PLAAT2: variants seen among roughly 807,000 people sequenced by gnomAD.
PLAAT2 encodes phospholipase A and acyltransferase 2, also known as HRAS like suppressor 2.
Under a neutral mutation model 12.8 loss-of-function variants are expected in PLAAT2, and 12 were observed. The ratio of observed to expected loss-of-function variants is 0.94; its 90% CI spans 0.60 to 1.52. The LOEUF (loss-of-function observed/expected upper bound fraction) is 1.52. Ranked by LOEUF, PLAAT2 falls within the 40% of genes most tolerant of loss-of-function variation. The probability of loss-of-function intolerance (pLI) is 0.00; values close to 1 mark genes in which losing one functional copy is unlikely to be tolerated. For synonymous variants in PLAAT2, 79 were observed against 86.8 expected (o/e 0.91, Z 0.50); for missense variants, 166 against 208.1 (o/e 0.80, Z 1.24).
chr11:63,560,609 C>T (rs561137075), intron 1 of PLAAT2, among the ~76,000 whole-genome samples: 24 of 152,228 alleles, frequency 1.6e-4, no homozygotes, highest in Non-Finnish European at 2.6e-4. Flanking sequence ...GTGATTCCTA[C>T]AAGTTCTAGA....
chr11:63,554,648 AAAAGAACTCACGC>A lies in PLAAT2; in HGVS notation c.388-1596_388-1584del, dbSNP rs796717849. Among the ~76,000 whole-genome samples, 1,302 of 151,374 alleles carry A rather than the reference AAAAGAACTCACGC, an allele frequency of 8.6e-3. 16 individuals carry two copies. Among genetic ancestry groups the A allele is most frequent in the African/African-American group, 0.031 (1,257 of 41,194 alleles). On this transcript the variant is annotated intron_variant, in intron 3 of 3. Coordinates refer to ENST00000255695, the MANE Select transcript of PLAAT2 (RefSeq NM_017878.2). ...GTCTCAAAAAAAAAAGAAAAAAAAA[AAAAGAACTCACGC>A]AAAGCCACACAGCTGACAAGTGACA...
chr11:63,560,296 G>A, intron 1 of PLAAT2, 103 bp from the exon 2 acceptor site: 1 of 740,874 alleles, frequency 1.3e-6, no homozygotes, highest in Non-Finnish European at 2.3e-6. Context: ...GATTCCCTGT[G>A]CTCATCACCT....
intron 3 of PLAAT2, among the ~76,000 whole-genome samples, chr11:63,553,668 T>C (rs968521754): frequency 1.3e-5 from 2 of 151,916 alleles, no homozygotes; most frequent in Non-Finnish European, 1.5e-5. Context: ...ACAATAATAA[T>C]TAAAGCAAAA....
At chr11:63,561,868 A>G (rs2017522588) in intron 1 of PLAAT2, among the ~76,000 whole-genome samples, 1 of 151,572 alleles carries the variant, frequency 6.6e-6, no homozygotes, top group Non-Finnish European at 1.5e-5. Flanking sequence ...TTGAGCATCA[A>G]AAAAAAATAA....
chr11:63,558,713 G>A (rs2017491814), intron 2 of PLAAT2, 53 bp from the exon 3 acceptor site: 1 of 1,595,696 alleles, frequency 6.3e-7, no homozygotes, highest in South Asian at 1.1e-5. Context: ...CTCAGAGCTG[G>A]AAGCCAAGCA....
chr11:63,556,732 T>C (rs2017469753), intron 3 of PLAAT2, among the ~76,000 whole-genome samples: 2 of 152,186 alleles, frequency 1.3e-5, no homozygotes, highest in Non-Finnish European at 2.9e-5. Context: ...ACAGAACAGC[T>C]AAATCCTCCC....
intron 3 of PLAAT2, among the ~76,000 whole-genome samples, chr11:63,556,939 T>C (rs1046937681): frequency 6.6e-6 from 1 of 152,222 alleles, no homozygotes; most frequent in Non-Finnish European, 1.5e-5. Context: ...AAACTGTGCA[T>C]TAACACACTC....
Position 63,552,818 on chromosome 11 carries a change from C to T in PLAAT2, c.*146G>A. Reference sequence around the variant, plus strand: ...TAGAATTCATACTAAGCTGCATTTCCAAATACATTTTCCTGTGCTTTTAAC... The same window carrying T: ...TAGAATTCATACTAAGCTGCATTTCTAAATACATTTTCCTGTGCTTTTAAC... On this transcript the variant is annotated 3_prime_UTR_variant, in exon 4 of 4. Coordinates refer to ENST00000255695, the MANE Select transcript of PLAAT2 (RefSeq NM_017878.2). 9.7e-6 allele frequency: 6 copies of T among 615,530 alleles called. No homozygotes were observed. Among genetic ancestry groups the T allele is most frequent in the Non-Finnish European group, 2.9e-6 (1 of 343,378 alleles). 38.1% of individuals were successfully genotyped at this position (615,530 alleles called of 1,614,324 possible).
At position 63,558,548 on chromosome 11, in the gene PLAAT2, A is replaced by G; in HGVS notation, c.231T>C (p.Asn77=). 1 of 1,614,190 alleles carries G rather than the reference A, an allele frequency of 6.2e-7. No homozygotes were observed. Among genetic ancestry groups the G allele is most frequent in the South Asian group, 1.1e-5 (1 of 91,086 alleles). ...VVAGGDNYRV[N]NKHDDRYTPL... ...GTGTGTATCTGTCATCGTGCTTGTT[A>G]TTGACCCTGTAGTTGTCTCCCCCAG... Residue 77 remains asparagine, a synonymous_variant, in exon 3 of 4, where the codon AAT becomes AAC. Coordinates refer to ENST00000255695, the MANE Select transcript of PLAAT2 (RefSeq NM_017878.2).
chr11:63,560,180 G>A lies in PLAAT2; in HGVS notation c.23C>T (p.Pro8Leu), dbSNP rs575565883. The change falls in exon 2 of 4, where the codon CCG (proline) becomes CTG (leucine). Residue 8 changes from proline (P) to leucine (L), a missense_variant. Transcript: ENST00000255695. MALARPR[P>L]RLGDLIEISR... is the part of the protein sequence containing the mutation. ...AATCTCAATCAGGTCTCCAAGTCTCGGTCTTGGTCTGGCCTGCAACAGAAA... is the reference window on the plus strand; with the variant it reads ...AATCTCAATCAGGTCTCCAAGTCTCAGTCTTGGTCTGGCCTGCAACAGAAA... The A allele has an allele frequency of 2.9e-5, 46 of 1,613,088 alleles. 1 individual carries two copies. Among genetic ancestry groups the A allele is most frequent in the South Asian group, 1.2e-4 (11 of 90,900 alleles).
At chr11:63,558,746 C>A in intron 2 of PLAAT2, 86 bp from the exon 3 acceptor site, 1 of 1,479,556 alleles carries the variant, frequency 6.8e-7, no homozygotes. Flanking sequence ...CGAGCACCAT[C>A]AAGGAGGAGC....
intron 3 of PLAAT2, among the ~76,000 whole-genome samples, chr11:63,554,360 G>A (rs528762938): frequency 2.0e-5 from 3 of 151,178 alleles, no homozygotes; most frequent in Non-Finnish European, 2.9e-5. Flanking sequence ...CCGGGGGGGC[G>A]GTGGCTCACA....
rs760876171 is a variant in PLAAT2 at position 63,558,648 on chromosome 11, C to G, written c.131G>C (p.Gly44Ala). The change falls in exon 3 of 4, where the codon GGA (glycine) becomes GCA (alanine). Residue 44 changes from glycine to alanine, a missense_variant. By Grantham distance (60) the Gly-to-Ala change is moderately conservative. Coordinates refer to ENST00000255695, the MANE Select transcript of PLAAT2 (RefSeq NM_017878.2). ...VHLAPASEIA[G>A]AGAASVLSAL... is the part of the protein sequence containing the mutation. Reference sequence around the variant, plus strand: ...AGACAGGACACTGGCCGCACCAGCTCCAGCAATTTCACCTGTGCAAACAGT... The same window carrying G: ...AGACAGGACACTGGCCGCACCAGCTGCAGCAATTTCACCTGTGCAAACAGT... 2 of 1,614,072 alleles carry G rather than the reference C, an allele frequency of 1.2e-6. No individual in the cohort carries two copies.
At chr11:63,564,969 G>A (rs575475436), upstream of PLAAT2, among the ~76,000 whole-genome samples, 1 of 152,260 alleles carries the variant, frequency 6.6e-6, no homozygotes, top group East Asian at 1.9e-4. Context: ...CTCATGCTGG[G>A]GCTTGTGGCT....
chr11:63,560,015 G>T, intron 2 of PLAAT2, 70 bp downstream of exon 2: 1 of 1,051,682 alleles, frequency 9.5e-7, no homozygotes, highest in Non-Finnish European at 1.5e-6. Flanking sequence ...GTGAGGACAA[G>T]CACGTAACTG....
Position 63,552,855 on chromosome 11 carries a change from A to T in PLAAT2, c.*109T>A. ...CCTGTGCTTTTAACTCCATTAAAAT[A>T]AAGATTCATGAACACAAAACAGTAA... On this transcript the variant is annotated 3_prime_UTR_variant, in exon 4 of 4. Coordinates refer to ENST00000255695, the MANE Select transcript of PLAAT2 (RefSeq NM_017878.2). 1 of 705,772 alleles carries T rather than the reference A, an allele frequency of 1.4e-6. No individual in the cohort carries two copies. Among genetic ancestry groups the T allele is most frequent in the Non-Finnish European group, 2.5e-6 (1 of 402,772 alleles). The allele number at this position is 705,772 out of a possible 1,614,324, so 43.7% of individuals were successfully genotyped here.
chr11:63,560,298 T>C (rs2017507444), intron 1 of PLAAT2, 105 bp from the exon 2 acceptor site: 2 of 732,904 alleles, frequency 2.7e-6, no homozygotes, highest in Non-Finnish European at 4.6e-6. Flanking sequence ...TTCCCTGTGC[T>C]CATCACCTGC....
At chr11:63,561,778 C>G (rs139055641) in intron 1 of PLAAT2, among the ~76,000 whole-genome samples, 1,602 of 151,844 alleles carry the variant, frequency 0.011, 108 homozygotes, top group Admixed American at 0.094. Context: ...CATGTTCCCC[C>G]CCAGAACCTC....
intron 3 of PLAAT2, among the ~76,000 whole-genome samples, chr11:63,554,600 C>T (rs192743355): frequency 3.8e-4 from 57 of 150,304 alleles, no homozygotes; most frequent in African/African-American, 1.3e-3. Flanking sequence ...TGCACTCCAG[C>T]CTTGGTGACA....
Sources: gnomAD v4.1 joint callset for allele counts (sites outside exome capture counted in the v4.1 genomes callset) on GRCh38, gnomAD v4.1.1 for gene constraint, MANE v1.5 for transcripts, NCBI Gene and HGNC (gene_info 2026-07-23, HGNC 2026-07-21) for gene names.